The following SRP72 variants were observed in gnomAD, a reference collection of about 807,000 sequenced individuals.
The protein encoded by SRP72 is signal recognition particle 72.
In SRP72, 49 loss-of-function variants were observed where a neutral mutation model predicts 96.3. The observed-to-expected ratio is 0.51, with a 90% CI of 0.40 to 0.65. The LOEUF (loss-of-function observed/expected upper bound fraction) is 0.65. Ranked by LOEUF, SRP72 falls within the 30% of genes least tolerant of loss-of-function variation. The pLI, the probability that SRP72 is intolerant of heterozygous loss-of-function variation, is 0.00. For synonymous variants in SRP72, 267 were observed against 275.2 expected, an observed-to-expected ratio of 0.97 and a Z score of 0.30; for missense variants, 736 against 793.3, an observed-to-expected ratio of 0.93 and a Z score of 0.87.
chr4:56,467,770 CGGG>C, intron 1 of SRP72, 26 bp downstream of exon 1: 5 of 567,298 alleles, frequency 8.8e-6, no homozygotes, highest in Non-Finnish European at 1.4e-5. Flanking sequence ...GGCACTGGGG[CGGG>C]CCCAGGCCGG....
intron 18 of SRP72, 86 bp from the exon 19 acceptor site, chr4:56,501,598 G>C: frequency 8.6e-7 from 1 of 1,162,652 alleles, no homozygotes; most frequent in Non-Finnish European, 1.2e-6. Context: ...ATTGTTAAGT[G>C]TGATAAGTAA....
chr4:56,469,486 C>A (rs1016933577), intron 1 of SRP72, among the ~76,000 whole-genome samples, 167 bp from the exon 2 acceptor site: 1 of 152,092 alleles, frequency 6.6e-6, no homozygotes, highest in Non-Finnish European at 1.5e-5. Flanking sequence ...TAGTTGTTTT[C>A]TGGGTTTGTT....
intron 6 of SRP72, among the ~76,000 whole-genome samples, 159 bp from the exon 7 acceptor site, chr4:56,478,220 C>G (rs963186298): frequency 2.1e-5 from 3 of 144,070 alleles, no homozygotes; most frequent in African/African-American, 7.7e-5. Flanking sequence ...TTCACTTAAA[C>G]TTCTCTCTTG....
At chr4:56,493,061 G>A (rs1276243883) in intron 16 of SRP72, among the ~76,000 whole-genome samples, 3 of 151,634 alleles carry the variant, frequency 2.0e-5, no homozygotes, top group Admixed American at 6.6e-5. Flanking sequence ...TTTTTGAGAC[G>A]GAGTCTTGCT....
At chr4:56,476,798 G>T in intron 6 of SRP72, 96 bp downstream of exon 6, 1 of 1,283,112 alleles carries the variant, frequency 7.8e-7, no homozygotes, top group South Asian at 1.3e-5. Context: ...TTTTTTAGAA[G>T]ATGGCAATTC....
Position 56,501,760 on chromosome 4 carries a change from A to G in SRP72, c.1915A>G (p.Ser639Gly), listed in dbSNP as rs1450810326. The G allele has an allele frequency of 1.2e-6, 2 of 1,614,052 alleles. No individual in the cohort carries two copies. Among genetic ancestry groups the G allele is most frequent in the African/African-American group, 1.3e-5 (1 of 74,924 alleles). Reference protein sequence around the residue: ...GSAATVSASTSNIIPPRHQKP... With the variant: ...GSAATVSASTGNIIPPRHQKP... Reference sequence around the variant, plus strand: ...TGCTGCAACAGTATCTGCCTCTACAAGTAACATCATACCCCCAAGACACCA... The same window carrying G: ...TGCTGCAACAGTATCTGCCTCTACAGGTAACATCATACCCCCAAGACACCA... Residue 639 changes from serine to glycine, a missense_variant, in exon 19 of 19, where the codon AGT becomes GGT. This residue lies in a region of SRP72 where 388 missense variants were observed against 431.8 expected (regional missense o/e 0.90). Coordinates refer to ENST00000642900, the MANE Select transcript of SRP72 (RefSeq NM_006947.4).
At chr4:56,469,893 T>TC (rs1719900239) in intron 2 of SRP72, 120 bp downstream of exon 2, 2 of 960,656 alleles carry the variant, frequency 2.1e-6, no homozygotes, top group Non-Finnish European at 2.9e-6. Flanking sequence ...CCTTCCTTTT[T>TC]TTCCCCCCTT....
In SRP72 at chr4:56,483,255, T is replaced by A. The variant is rs920124643; in HGVS notation, c.942T>A (p.Ala314=). The A allele has an allele frequency of 1.1e-5, 18 of 1,612,890 alleles. No individual in the cohort carries two copies. The highest frequency in any genetic ancestry group is 1.5e-5 in the Non-Finnish European group (18 of 1,179,692). Residue 314 remains alanine (A), a synonymous_variant, in exon 9 of 19, where the codon GCT becomes GCA. Transcript: ENST00000642900. The stretch of plus-strand genomic sequence containing the variant: ...TAGAATTTAACAAAGCTTTACTTGC[T>A]ATGTACACAAACCAGGTGGGTAATT... ...QAIEFNKALL[A]MYTNQAEQCR...
chr4:56,491,093 G>A (rs1720890217), intron 15 of SRP72, among the ~76,000 whole-genome samples: 1 of 152,154 alleles, frequency 6.6e-6, no homozygotes, highest in Admixed American at 6.5e-5. Context: ...CCAAAACTGA[G>A]GTGGGTTGGT....
intron 9 of SRP72, among the ~76,000 whole-genome samples, chr4:56,484,036 T>TTTTC (rs1720609395): frequency 7.4e-6 from 1 of 134,868 alleles, no homozygotes; most frequent in East Asian, 2.4e-4. Context: ...ATTTTTTTTT[T>TTTTC]TTTTTTTTTT....
chr4:56,478,154 C>CTTTTTTT (rs796835545), intron 6 of SRP72, among the ~76,000 whole-genome samples: 9 of 115,780 alleles, frequency 7.8e-5, no homozygotes, highest in Non-Finnish European at 1.3e-4. Flanking sequence ...TTTGCCTTTT[C>CTTTTTTT]TTTTTTTTTT....
intron 2 of SRP72, among the ~76,000 whole-genome samples, 199 bp downstream of exon 2, chr4:56,469,972 GTTTT>G (rs150238707): frequency 7.6e-6 from 1 of 131,422 alleles, no homozygotes; most frequent in Non-Finnish European, 1.6e-5. Flanking sequence ...GCCTTAGAGA[GTTTT>G]TTTTTTTTTT....
At position 56,469,730 on chromosome 4, in the gene SRP72, GA is replaced by G. The variant is rs1299170075; in HGVS notation, c.189del (p.Ala64LeufsTer2). On this transcript the variant is annotated frameshift_variant, in exon 2 of 19. Coordinates refer to ENST00000642900, the MANE Select transcript of SRP72 (RefSeq NM_006947.4). LOFTEE classifies it high-confidence loss of function. ...VCLIQNGSFK[E>X]ALNVINTHTK... ...CCTTATCCAGAATGGAAGTTTCAAGGAAGCTTTGAATGTCATCAATACTCAC... is the reference window on the plus strand; with the variant it reads ...CCTTATCCAGAATGGAAGTTTCAAGGAGCTTTGAATGTCATCAATACTCAC... The G allele has an allele frequency of 6.2e-7, 1 of 1,612,578 alleles. No homozygotes were observed. The highest frequency in any genetic ancestry group is 1.3e-5 in the African/African-American group (1 of 74,908).
intron 9 of SRP72, 143 bp downstream of exon 9, chr4:56,483,413 A>G (rs1720576977): frequency 1.3e-6 from 1 of 764,072 alleles, no homozygotes; most frequent in Non-Finnish European, 2.0e-6. Context: ...CCTTCCTCAA[A>G]ATATTATATA....
At chr4:56,473,602 C>G (rs1720073638) in intron 3 of SRP72, among the ~76,000 whole-genome samples, 1 of 151,078 alleles carries the variant, frequency 6.6e-6, no homozygotes, top group African/African-American at 2.4e-5. Flanking sequence ...CCCATCTCTA[C>G]TAAAAATACA....
intron 3 of SRP72, 99 bp from the exon 4 acceptor site, chr4:56,473,955 C>G (rs1720094097): frequency 8.5e-7 from 1 of 1,171,290 alleles, no homozygotes. Context: ...TTATGCTGAA[C>G]TAGGATTCCT....
At chr4:56,490,457 T>A in intron 14 of SRP72, 21 bp downstream of exon 14, 1 of 1,609,970 alleles carries the variant, frequency 6.2e-7, no homozygotes, top group Non-Finnish European at 8.5e-7. Flanking sequence ...AAACGTGGAG[T>A]TGTAGAAATA....
intron 8 of SRP72, among the ~76,000 whole-genome samples, chr4:56,481,891 G>C (rs112800582): frequency 2.3e-3 from 347 of 150,608 alleles, no homozygotes; most frequent in African/African-American, 8.1e-3. Context: ...TCAGCCTTCT[G>C]AGTAGCTGGG....
At chr4:56,481,752 G>A (rs1484960059) in intron 8 of SRP72, among the ~76,000 whole-genome samples, 6 of 149,318 alleles carry the variant, frequency 4.0e-5, no homozygotes, top group Admixed American at 4.0e-4. Flanking sequence ...TCTGTGTTGA[G>A]CATATCTGTT....
Sources: allele counts gnomAD v4.1 joint callset (sites outside exome capture counted in the v4.1 genomes callset), GRCh38; gene constraint gnomAD v4.1.1; regional missense constraint gnomAD v4.1.1; transcripts MANE v1.5; gene names NCBI Gene and HGNC (gene_info 2026-07-23, HGNC 2026-07-21).